Variants in ARHGEF6 observed in about 807,000 individuals in gnomAD.
ARHGEF6 encodes the protein Rac/Cdc42 guanine nucleotide exchange factor 6.
A neutral mutation model predicts 70.3 loss-of-function variants in ARHGEF6; 9 were observed. The observed-to-expected ratio is 0.13, with a 90% CI of 0.08 to 0.22. The LOEUF is 0.22. ARHGEF6 is among the 10% of genes least tolerant of loss of function. The pLI, the probability that ARHGEF6 is intolerant of heterozygous loss-of-function variation, is 1.00. For missense variants in ARHGEF6, 470 were observed against 563.0 expected, an observed-to-expected ratio of 0.83 and a Z score of 1.67; for synonymous variants, 201 against 207.8, an observed-to-expected ratio of 0.97 and a Z score of 0.28.
intron 7 of ARHGEF6, among the ~76,000 whole-genome samples, chrX:136,712,359 C>T (rs1433599217): frequency 2.7e-5 from 3 of 112,069 alleles, no homozygotes; most frequent in Admixed American, 9.4e-5. Context: ...GCGATCTGCC[C>T]GCCTCAGCCT....
At chrX:136,767,577 G>C (rs111543393) in intron 2 of ARHGEF6, 1 of 754,773 alleles carries the variant, frequency 1.3e-6, no homozygotes, top group Non-Finnish European at 1.6e-6. Flanking sequence ...GGGTGCCGGA[G>C]GCGCGCCCCG....
At chrX:136,719,515 T>C (rs2148629929) in intron 6 of ARHGEF6, among the ~76,000 whole-genome samples, 1 of 111,882 alleles carries the variant, frequency 8.9e-6, no homozygotes, top group South Asian at 3.7e-4. Context: ...GCAGTGCTTG[T>C]AGGGAAATTT....
At chrX:136,723,171 A>C (rs2076817281) in intron 6 of ARHGEF6, among the ~76,000 whole-genome samples, 1 of 112,170 alleles carries the variant, frequency 8.9e-6, no homozygotes, top group Non-Finnish European at 1.9e-5. Flanking sequence ...GTGACTGCTA[A>C]TGGATAGAAG....
At chrX:136,755,983 AT>A (rs372098787) in intron 2 of ARHGEF6, among the ~76,000 whole-genome samples, 3 of 109,703 alleles carry the variant, frequency 2.7e-5, no homozygotes, top group Admixed American at 9.7e-5. Context: ...CATGATGTCA[AT>A]TTTTTTTTCA....
chrX:136,767,531 C>G (rs762081626), intron 2 of ARHGEF6: 1 of 753,765 alleles, frequency 1.3e-6, no homozygotes, highest in South Asian at 6.8e-5. Context: ...CATAGCCGTG[C>G]CGCTCGGCGG....
In ARHGEF6 at chrX:136,681,907, C is replaced by A; in HGVS notation, c.1541G>T (p.Cys514Phe). ...TTACCTACCAGTGATTTCAAATGTG[C>A]AGTCATTCCCTTCAATTTCATCTAA... ...TRLDEIEGND[C>F]TFEITGNTVE... The change falls in exon 14 of 22, where the codon TGC (cysteine) becomes TTC (phenylalanine). Residue 514 changes from cysteine (C) to phenylalanine (F), a missense_variant. Physicochemically the swap from Cys to Phe is radical, Grantham distance 205. This residue lies in a region of ARHGEF6 where 379 missense variants were observed against 449.3 expected (regional missense o/e 0.84). Transcript: ENST00000250617. 8.3e-7 allele frequency: 1 copy of A among 1,206,537 alleles called. No individual in the cohort carries two copies. The highest frequency in any genetic ancestry group is 1.1e-6 in the Non-Finnish European group (1 of 890,994).
rs756424105 is a variant in ARHGEF6 at position 136,711,665 on chromosome X, C to T, written c.827+1611G>A. Among the ~76,000 whole-genome samples, 134 of 111,672 alleles carry T rather than the reference C, an allele frequency of 1.2e-3. No individual in the cohort carries two copies. The Middle Eastern group carries it at 0.018, about 15-fold the overall frequency. ...GCAACCTCCGCCTACCGAGTTCAAG[C>T]GATTCTCCTGCCTCAGCCTCTTAAG... On this transcript the variant is annotated intron_variant, in intron 7 of 21. Transcript: ENST00000250617.
At chrX:136,748,496 G>A (rs2077118882) in intron 2 of ARHGEF6, among the ~76,000 whole-genome samples, 1 of 112,406 alleles carries the variant, frequency 8.9e-6, no homozygotes, top group Non-Finnish European at 1.9e-5. Context: ...TCTCAAATAT[G>A]TATATTTGAA....
intron 5 of ARHGEF6, among the ~76,000 whole-genome samples, chrX:136,738,952 C>T (rs1432548261): frequency 8.9e-6 from 1 of 112,170 alleles, no homozygotes; most frequent in Non-Finnish European, 1.9e-5. Flanking sequence ...TAGCAGTAGC[C>T]TCTGCTAGTT....
intron 6 of ARHGEF6, among the ~76,000 whole-genome samples, chrX:136,727,573 A>G (rs1331500393): frequency 1.1e-5 from 1 of 93,411 alleles, no homozygotes; most frequent in Non-Finnish European, 2.1e-5. Context: ...TCACTTTGTC[A>G]CCCAGGCTGG....
rs186123214 is a variant in ARHGEF6 at position 136,683,501 on chromosome X, C to T, written c.1393-657G>A. Among the ~76,000 whole-genome samples the T allele has an allele frequency of 8.7e-4, 96 of 110,489 alleles. 1 individual carries two copies. The highest frequency in any genetic ancestry group is 3.1e-3 in the African/African-American group (94 of 30,338). Reference sequence around the variant, plus strand: ...AGCCTCCCAAGTAGCTGGGATTACACACATGTGCCACCACTCCCGGCTAAT... The same window carrying T: ...AGCCTCCCAAGTAGCTGGGATTACATACATGTGCCACCACTCCCGGCTAAT... On this transcript the variant is annotated intron_variant, in intron 12 of 21. Coordinates refer to ENST00000250617, the MANE Select transcript of ARHGEF6 (RefSeq NM_004840.3).
intron 2 of ARHGEF6, among the ~76,000 whole-genome samples, chrX:136,754,341 C>A (rs2077182476): frequency 9.0e-6 from 1 of 110,695 alleles, no homozygotes; most frequent in South Asian, 3.9e-4. Flanking sequence ...ATCCCAGCAC[C>A]TTGGGAGGCC....
Position 136,682,884 on chromosome X carries a change from G to A in ARHGEF6, c.1393-40C>T, listed in dbSNP as rs776907092. 1.6e-5 allele frequency: 17 copies of A among 1,057,306 alleles called. No individual in the cohort carries two copies. The Admixed American group carries it at 3.1e-4, about 19-fold the overall frequency. The allele number at this position is 1,057,306 out of a possible 1,213,427, so 87.1% of individuals were successfully genotyped here. A position where few individuals can be genotyped will look rare whatever the true frequency, so the allele number is the denominator to read the frequency against. ...AAATAATACATGAAGAACAGAATTG[G>A]ACACTTTATCTGTTGAGAATTTCTG... On this transcript the variant is annotated intron_variant, in intron 12 of 21. Transcript: ENST00000250617.
chrX:136,776,776 C>A (rs1288029764), intron 2 of ARHGEF6, among the ~76,000 whole-genome samples: 1 of 110,642 alleles, frequency 9.0e-6, no homozygotes, highest in Non-Finnish European at 1.9e-5. Flanking sequence ...AAACAGACAA[C>A]TCACAATGTG....
At chrX:136,682,198 A>G (rs753650498) in intron 13 of ARHGEF6, among the ~76,000 whole-genome samples, 1 of 112,396 alleles carries the variant, frequency 8.9e-6, no homozygotes, top group African/African-American at 3.2e-5. Flanking sequence ...ATCAGGATTT[A>G]CAAAGCAGTT....
chrX:136,750,147 C>G (rs774566126), intron 2 of ARHGEF6, among the ~76,000 whole-genome samples: 2 of 111,142 alleles, frequency 1.8e-5, no homozygotes, highest in Non-Finnish European at 3.8e-5. Context: ...GGAGAATTCC[C>G]CAATGTAGAG....
intron 7 of ARHGEF6, among the ~76,000 whole-genome samples, chrX:136,712,295 T>C (rs772590807): frequency 9.0e-6 from 1 of 111,616 alleles, no homozygotes; most frequent in Admixed American, 9.5e-5. Flanking sequence ...GTATTTTTAG[T>C]AGAAACAAGG....
chrX:136,760,421 G>T (rs2077254000), intron 2 of ARHGEF6, among the ~76,000 whole-genome samples: 1 of 112,385 alleles, frequency 8.9e-6, no homozygotes. Flanking sequence ...GGCCAAGATT[G>T]TGTGGTTTGA....
chrX:136,760,814 C>T (rs760075965), intron 2 of ARHGEF6, among the ~76,000 whole-genome samples: 25 of 111,825 alleles, frequency 2.2e-4, no homozygotes, highest in Non-Finnish European at 4.7e-4. Context: ...TTAACTTAAA[C>T]GATCATCTTG....
Sources: gnomAD v4.1 joint callset for allele counts (sites outside exome capture counted in the v4.1 genomes callset) on GRCh38, gnomAD v4.1.1 for gene constraint, gnomAD v4.1.1 regional missense constraint, MANE v1.5 for transcripts, NCBI Gene and HGNC (gene_info 2026-07-23, HGNC 2026-07-21) for gene names.